The following OR10H5 variants were observed in gnomAD, a reference collection of about 807,000 sequenced individuals.
OR10H5 encodes olfactory receptor family 10 subfamily H member 5.
A neutral mutation model predicts 12.2 loss-of-function variants in OR10H5; 7 were observed. That is an observed-to-expected ratio of 0.57 (90% CI 0.33 to 1.07). The LOEUF (loss-of-function observed/expected upper bound fraction) is 1.07. Among genes scored for constraint, OR10H5 ranks in the 50% least tolerant of loss-of-function variants. The pLI, the probability that OR10H5 is intolerant of heterozygous loss-of-function variation, is 0.04. For missense variants in OR10H5, 346 were observed against 411.6 expected, an observed-to-expected ratio of 0.84 and a Z score of 1.38; for synonymous variants, 159 against 175.1, an observed-to-expected ratio of 0.91 and a Z score of 0.73.
chr19:15,792,511 G>A lies in OR10H5; in HGVS notation c.-11-1527G>A, dbSNP rs537733487. On this transcript the variant is annotated intron_variant, in intron 1 of 1. Coordinates refer to ENST00000642092, the MANE Select transcript of OR10H5 (RefSeq NM_001004466.2). ...GACAGGGTCTCACTGTGTCGCCCAG[G>A]CTGGAGTGCAGTGGCGTGATCTCAG... Among the ~76,000 whole-genome samples the A allele has an allele frequency of 4.7e-4, 71 of 152,262 alleles. 1 individual carries two copies. In the Middle Eastern group the frequency reaches 0.01, roughly 22 times the overall value.
rs1388659503 is a variant in OR10H5 at position 15,800,146 on chromosome 19, C to A, written c.*5150C>A. On this transcript the variant is annotated 3_prime_UTR_variant, in exon 2 of 2. Transcript: ENST00000642092. The stretch of plus-strand genomic sequence containing the variant: ...GGTCACCACCCCTATTACAAGCCCT[C>A]ATAGCAACTCACTTAGGTCCCTCAG... 2.0e-5 allele frequency: 3 copies of A among 152,196 alleles called. No homozygotes were observed. The highest frequency in any genetic ancestry group is 7.2e-5 in the African/African-American group (3 of 41,450). 9.4% of individuals were successfully genotyped at this position (152,196 alleles called of 1,614,324 possible).
Position 15,794,921 on chromosome 19 carries a change from C to T in OR10H5, c.873C>T (p.Phe291=), listed in dbSNP as rs1283681195. The change falls in exon 2 of 2, where the codon TTC becomes TTT. Residue 291 remains phenylalanine (F), a synonymous_variant. Coordinates refer to ENST00000642092, the MANE Select transcript of OR10H5 (RefSeq NM_001004466.2). ...CACCCTTCCTCAGCCCCATCATCTT[C>T]AGCCTCAGGAACAAGGAGCTGAAGG... ...VLTPFLSPII[F]SLRNKELKVA... is the part of the protein sequence containing the mutation. 3 of 1,614,098 alleles carry T rather than the reference C, an allele frequency of 1.9e-6. No individual in the cohort carries two copies. The highest frequency in any genetic ancestry group is 2.5e-6 in the Non-Finnish European group (3 of 1,180,056).
At position 15,800,220 on chromosome 19, in the gene OR10H5, T is replaced by G. The variant is rs1178434791; in HGVS notation, c.*5224T>G. 6.6e-6 allele frequency: 1 copy of G among 152,140 alleles called. No homozygotes were observed. Among genetic ancestry groups the G allele is most frequent in the Admixed American group, 6.5e-5 (1 of 15,268 alleles). The allele number at this position is 152,140 out of a possible 1,614,324, so 9.4% of individuals were successfully genotyped here. A position where few individuals can be genotyped will look rare whatever the true frequency, so the allele number is the denominator to read the frequency against. ...TATATTAATTGGTGCAATTATTTGT[T>G]TATTTATGTCTTCCTCTTTCTAGGG... On this transcript the variant is annotated 3_prime_UTR_variant, in exon 2 of 2. Coordinates refer to ENST00000642092, the MANE Select transcript of OR10H5 (RefSeq NM_001004466.2).
chr19:15,798,044 TAAAAAAAAAAAA>T lies in OR10H5; in HGVS notation c.*3061_*3072del, dbSNP rs61593330. On this transcript the variant is annotated 3_prime_UTR_variant, in exon 2 of 2. Coordinates refer to ENST00000642092, the MANE Select transcript of OR10H5 (RefSeq NM_001004466.2). ...TGGGCGACAAGAGTGACACTCCATC[TAAAAAAAAAAAA>T]AAAAAAAAAAAAGCATAAACGTAAT... 1 of 65,734 alleles carries T rather than the reference TAAAAAAAAAAAA, an allele frequency of 1.5e-5. No homozygotes were observed. Among genetic ancestry groups the T allele is most frequent in the East Asian group, 6.0e-4 (1 of 1,656 alleles). The allele number at this position is 65,734 out of a possible 1,614,324, so 4.1% of individuals were successfully genotyped here.
Position 15,798,044 on chromosome 19 carries a change from T to TAAAAAAAA in OR10H5, c.*3065_*3072dup, listed in dbSNP as rs61593330. ...TGGGCGACAAGAGTGACACTCCATC[T>TAAAAAAAA]AAAAAAAAAAAAAAAAAAAAAAAAG... On this transcript the variant is annotated 3_prime_UTR_variant, in exon 2 of 2. Transcript: ENST00000642092. 6.1e-5 allele frequency: 4 copies of TAAAAAAAA among 65,768 alleles called. No homozygotes were observed. Among genetic ancestry groups the TAAAAAAAA allele is most frequent in the Non-Finnish European group, 8.2e-5 (3 of 36,784 alleles). The allele number at this position is 65,768 out of a possible 1,614,324, so 4.1% of individuals were successfully genotyped here.
In OR10H5 at chr19:15,795,240, T is replaced by G; in HGVS notation, c.*244T>G. 7 of 466,978 alleles carry G rather than the reference T, an allele frequency of 1.5e-5. No individual in the cohort carries two copies. The highest frequency in any genetic ancestry group is 1.9e-5 in the Non-Finnish European group (5 of 261,852). The allele number at this position is 466,978 out of a possible 1,614,324, so 28.9% of individuals were successfully genotyped here. A position where few individuals can be genotyped will look rare whatever the true frequency, so the allele number is the denominator to read the frequency against. ...TCCCCCTTCCTTCTTCTCTGCCTACTTCCCTCTTTCCCTTCTCTCTGTCTC... is the reference window on the plus strand; with the variant it reads ...TCCCCCTTCCTTCTTCTCTGCCTACGTCCCTCTTTCCCTTCTCTCTGTCTC... On this transcript the variant is annotated 3_prime_UTR_variant, in exon 2 of 2. Coordinates refer to ENST00000642092, the MANE Select transcript of OR10H5 (RefSeq NM_001004466.2).
At position 15,794,264 on chromosome 19, in the gene OR10H5, C is replaced by T. The variant is rs1372083149; in HGVS notation, c.216C>T (p.Leu72=). The T allele has an allele frequency of 3.1e-6, 5 of 1,614,080 alleles. No individual in the cohort carries two copies. In the East Asian group the frequency reaches 1.1e-4, roughly 36 times the overall value. Reference sequence around the variant, plus strand: ...GTGCCCTCTCCATCACCGAGATCCTCTACACCGTGGCCATCATCCCGCGCA... The same window carrying T: ...GTGCCCTCTCCATCACCGAGATCCTTTACACCGTGGCCATCATCCCGCGCA... The part of the protein sequence containing the change: ...FLCALSITEI[L]YTVAIIPRML... Residue 72 remains leucine, a synonymous_variant, in exon 2 of 2, where the codon CTC becomes CTT. Coordinates refer to ENST00000642092, the MANE Select transcript of OR10H5 (RefSeq NM_001004466.2).
chr19:15,788,992 TG>T (rs1405893808), intron 1 of OR10H5, among the ~76,000 whole-genome samples: 28 of 152,134 alleles, frequency 1.8e-4, no homozygotes, highest in Non-Finnish European at 3.4e-4. Context: ...GTATTAAGCC[TG>T]GCATACATTA....
rs2088850541 is a variant in OR10H5 at position 15,798,185 on chromosome 19, C to T, written c.*3189C>T. ...AAACAAAACGCTTGCATTTTTCCCT[C>T]AAAAGACTAAAAAATAGAAGCCATC... On this transcript the variant is annotated 3_prime_UTR_variant, in exon 2 of 2. Transcript: ENST00000642092. 6.6e-6 allele frequency: 1 copy of T among 151,712 alleles called. No homozygotes were observed. 9.4% of individuals were successfully genotyped at this position (151,712 alleles called of 1,614,324 possible).
At chr19:15,793,099 C>G (rs996787885) in intron 1 of OR10H5, among the ~76,000 whole-genome samples, 1 of 152,018 alleles carries the variant, frequency 6.6e-6, no homozygotes, top group African/African-American at 2.4e-5. Flanking sequence ...CTTATTTAAA[C>G]CTTTACACAG....
chr19:15,793,383 G>T (rs1014084066), intron 1 of OR10H5, among the ~76,000 whole-genome samples: 1 of 151,974 alleles, frequency 6.6e-6, no homozygotes, highest in African/African-American at 2.4e-5. Flanking sequence ...AGCCTCTGAC[G>T]TAGCTGGGAC....
At chr19:15,793,299 T>G (rs2088817438) in intron 1 of OR10H5, among the ~76,000 whole-genome samples, 1 of 152,088 alleles carries the variant, frequency 6.6e-6, no homozygotes. Flanking sequence ...TTCTTATACT[T>G]CGTAGACATG....
chr19:15,788,999 C>T (rs2088797016), intron 1 of OR10H5, among the ~76,000 whole-genome samples: 1 of 152,142 alleles, frequency 6.6e-6, no homozygotes, highest in South Asian at 2.1e-4. Context: ...GCCTGGCATA[C>T]ATTAGCTATT....
In OR10H5 at chr19:15,796,961, TAAAAATACA is replaced by T. The variant is rs1568450243; in HGVS notation, c.*1972_*1980del. The T allele has an allele frequency of 6.6e-6, 1 of 151,738 alleles. No individual in the cohort carries two copies. Among genetic ancestry groups the T allele is most frequent in the Non-Finnish European group, 1.5e-5 (1 of 67,986 alleles). The allele number at this position is 151,738 out of a possible 1,614,324, so 9.4% of individuals were successfully genotyped here. A position where few individuals can be genotyped will look rare whatever the true frequency, so the allele number is the denominator to read the frequency against. On this transcript the variant is annotated 3_prime_UTR_variant, in exon 2 of 2. Coordinates refer to ENST00000642092, the MANE Select transcript of OR10H5 (RefSeq NM_001004466.2). ...CAACATAGTGAAACCCCGTCTCTAC[TAAAAATACA>T]AAAAATTACCCGGGCGTGGTGGCAC...
rs747724895 is a variant in OR10H5, at chr19:15,794,397, G to A, written c.349G>A (p.Val117Ile). Residue 117 changes from valine to isoleucine, a missense_variant, in exon 2 of 2, where the codon GTC becomes ATC. Physicochemically the swap from Val to Ile is conservative, Grantham distance 29. Transcript: ENST00000642092. ...CTTCACCCACTCCTTCCTGCTCACT[G>A]TCATGGGCTACGACCGCTACGTGGC... ...FGFTHSFLLT[V>I]MGYDRYVAIC... 3.7e-6 allele frequency: 6 copies of A among 1,614,102 alleles called. No homozygotes were observed. Among genetic ancestry groups the A allele is most frequent in the African/African-American group, 1.3e-5 (1 of 74,942 alleles).
intron 1 of OR10H5, among the ~76,000 whole-genome samples, chr19:15,791,899 T>A (rs2088811199): frequency 6.6e-6 from 1 of 152,104 alleles, no homozygotes; most frequent in South Asian, 2.1e-4. Flanking sequence ...TTCACCATGT[T>A]AGCCAGGATG....
Position 15,794,586 on chromosome 19 carries a change from C to T in OR10H5, c.538C>T (p.His180Tyr). ...GHKEIHHFFC[H>Y]VPPLLKLACG... Reference sequence around the variant, plus strand: ...CAAGGAGATCCACCATTTCTTCTGCCACGTGCCACCTCTGTTGAAGTTGGC... The same window carrying T: ...CAAGGAGATCCACCATTTCTTCTGCTACGTGCCACCTCTGTTGAAGTTGGC... The change falls in exon 2 of 2, where the codon CAC (histidine) becomes TAC (tyrosine). Residue 180 changes from histidine (H) to tyrosine (Y), a missense_variant. His to Tyr is a moderately conservative substitution (Grantham distance 83). Coordinates refer to ENST00000642092, the MANE Select transcript of OR10H5 (RefSeq NM_001004466.2). The T allele has an allele frequency of 2.5e-6, 4 of 1,614,206 alleles. No homozygotes were observed. The highest frequency in any genetic ancestry group is 2.5e-6 in the Non-Finnish European group (3 of 1,180,026).
chr19:15,796,303 G>A lies in OR10H5; in HGVS notation c.*1307G>A, dbSNP rs890853475. On this transcript the variant is annotated 3_prime_UTR_variant, in exon 2 of 2. Transcript: ENST00000642092. ...ACACATTCTAGCTAGCACCAATGGA[G>A]TGAGCCCAGAACTAGAAATATGCTG... 2.6e-5 allele frequency: 4 copies of A among 152,270 alleles called. No individual in the cohort carries two copies. The highest frequency in any genetic ancestry group is 9.6e-5 in the African/African-American group (4 of 41,464). 9.4% of individuals were successfully genotyped at this position (152,270 alleles called of 1,614,324 possible). A position where few individuals can be genotyped will look rare whatever the true frequency, so the allele number is the denominator to read the frequency against.
chr19:15,788,011 G>A (rs554308112), intron 1 of OR10H5, among the ~76,000 whole-genome samples: 1 of 152,248 alleles, frequency 6.6e-6, no homozygotes, highest in East Asian at 1.9e-4. Context: ...TCCATGCTGG[G>A]GTGGGGAGTG....
Sources: gnomAD v4.1 joint callset for allele counts (sites outside exome capture counted in the v4.1 genomes callset) on GRCh38, gnomAD v4.1.1 for gene constraint, MANE v1.5 for transcripts, NCBI Gene and HGNC (gene_info 2026-07-23, HGNC 2026-07-21) for gene names.